Variants in NRXN3 observed in about 807,000 individuals in gnomAD.
NRXN3 encodes neurexin 3.
Under a neutral mutation model 137.6 loss-of-function variants are expected in NRXN3, and 32 were observed. That is an observed-to-expected ratio of 0.23 (90% CI 0.18 to 0.31). NRXN3 has a LOEUF of 0.31. Among genes scored for constraint, NRXN3 ranks in the 10% least tolerant of loss-of-function variants. The pLI is 1.00. For synonymous variants in NRXN3, 798 were observed against 784.5 expected, an observed-to-expected ratio of 1.02 and a Z score of -0.29; for missense variants, 1,574 against 2,062.5, an observed-to-expected ratio of 0.76 and a Z score of 4.59.
At chr14:79,264,107 A>G (rs1020165880) in intron 15 of NRXN3, among the ~76,000 whole-genome samples, 4 of 152,054 alleles carry the variant, frequency 2.6e-5, no homozygotes, top group African/African-American at 4.8e-5. Flanking sequence ...TATTTTTTTG[A>G]GACAGGGTCT....
At chr14:78,924,366 T>C (rs1288921249) in intron 10 of NRXN3, among the ~76,000 whole-genome samples, 2 of 152,216 alleles carry the variant, frequency 1.3e-5, no homozygotes, top group African/African-American at 4.8e-5. Flanking sequence ...CAAACAACCA[T>C]GTAAAATAGA....
At chr14:79,371,225 CCCTTTAGT>C (rs1555405251) in intron 15 of NRXN3, among the ~76,000 whole-genome samples, 2 of 152,062 alleles carry the variant, frequency 1.3e-5, no homozygotes, top group Non-Finnish European at 2.9e-5. Context: ...TTTTTTTCTA[CCCTTTAGT>C]CATGTGTTTG....
chr14:78,820,682 C>T (rs1169015384), intron 10 of NRXN3, among the ~76,000 whole-genome samples: 1 of 152,002 alleles, frequency 6.6e-6, no homozygotes, highest in East Asian at 1.9e-4. Flanking sequence ...CTCAAGGGAC[C>T]CTGTGGAAAA....
intron 10 of NRXN3, among the ~76,000 whole-genome samples, chr14:78,925,336 A>G (rs746458404): frequency 6.6e-6 from 1 of 152,208 alleles, no homozygotes; most frequent in African/African-American, 2.4e-5. Flanking sequence ...AACATTTATT[A>G]CATTCTTCTT....
intron 4 of NRXN3, among the ~76,000 whole-genome samples, chr14:78,349,478 C>G (rs1477932218): frequency 2.0e-5 from 3 of 152,160 alleles, no homozygotes; most frequent in Non-Finnish European, 2.9e-5. Context: ...TTCCGAGTCC[C>G]CATTTATCTT....
intron 16 of NRXN3, among the ~76,000 whole-genome samples, chr14:79,509,919 AAAG>A (rs1405427387): frequency 6.6e-6 from 1 of 152,198 alleles, no homozygotes; most frequent in Non-Finnish European, 1.5e-5. Flanking sequence ...AAAAGAAATA[AAAG>A]AAGATCATAG....
At chr14:79,464,371 C>T (rs1020797578) in intron 15 of NRXN3, among the ~76,000 whole-genome samples, 1 of 152,022 alleles carries the variant, frequency 6.6e-6, no homozygotes, top group African/African-American at 2.4e-5. Flanking sequence ...AATTTTTAGT[C>T]TATCCTATCA....
At chr14:78,535,908 T>C (rs1027726155) in intron 4 of NRXN3, among the ~76,000 whole-genome samples, 2 of 152,180 alleles carry the variant, frequency 1.3e-5, no homozygotes, top group Non-Finnish European at 1.5e-5. Flanking sequence ...GCCATTGATG[T>C]TGGGTAGAGC....
intron 2 of NRXN3, chr14:78,250,209 C>A: frequency 2.5e-6 from 1 of 399,192 alleles, no homozygotes; most frequent in South Asian, 1.9e-5. Flanking sequence ...ACACTGTCAA[C>A]CACCATGCTA....
chr14:78,684,501 T>A (rs1481937953), intron 6 of NRXN3, among the ~76,000 whole-genome samples: 1 of 152,140 alleles, frequency 6.6e-6, no homozygotes, highest in Non-Finnish European at 1.5e-5. Flanking sequence ...AAAAGGGTTA[T>A]GTGGTAAATA....
At chr14:79,405,029 A>G (rs1437500829) in intron 15 of NRXN3, among the ~76,000 whole-genome samples, 1 of 152,148 alleles carries the variant, frequency 6.6e-6, no homozygotes, top group East Asian at 1.9e-4. Flanking sequence ...CAATTTCCCC[A>G]GGAGACTGTA....
intron 10 of NRXN3, among the ~76,000 whole-genome samples, chr14:78,908,494 TCTG>T: frequency 6.6e-6 from 1 of 152,094 alleles, no homozygotes; most frequent in Non-Finnish European, 1.5e-5. Flanking sequence ...TACTGTCAAA[TCTG>T]TTCTCATAGC....
chr14:79,710,703 TTTGAGTTATTTGA>T (rs1211904234), intron 19 of NRXN3, among the ~76,000 whole-genome samples: 1 of 152,008 alleles, frequency 6.6e-6, no homozygotes, highest in African/African-American at 2.4e-5. Flanking sequence ...TTAAAAAATA[TTTGAGTTATTTGA>T]GTGCCTAGTA....
chr14:78,172,021 C>T (rs142115147), intron 1 of NRXN3, among the ~76,000 whole-genome samples: 8 of 152,228 alleles, frequency 5.3e-5, no homozygotes, highest in Non-Finnish European at 7.4e-5. Flanking sequence ...CTTCGGTTCC[C>T]GCTTTGGGGA....
chr14:79,035,023 C>A (rs1211105718), intron 15 of NRXN3, among the ~76,000 whole-genome samples: 1 of 152,100 alleles, frequency 6.6e-6, no homozygotes, highest in East Asian at 1.9e-4. Flanking sequence ...TTACCTCAGA[C>A]TTAAATAGCA....
chr14:79,152,893 A>G (rs930897324), intron 15 of NRXN3, among the ~76,000 whole-genome samples: 1 of 152,026 alleles, frequency 6.6e-6, no homozygotes, highest in Admixed American at 6.6e-5. Flanking sequence ...TGTCAATCTC[A>G]TGAGTTGAGG....
At chr14:78,539,207 ACCTCT>A (rs2096565085) in intron 4 of NRXN3, among the ~76,000 whole-genome samples, 1 of 151,982 alleles carries the variant, frequency 6.6e-6, no homozygotes, top group Non-Finnish European at 1.5e-5. Context: ...TCCTCTTTGT[ACCTCT>A]GGTAGAATTT....
chr14:79,335,701 A>G (rs1479129070), intron 15 of NRXN3, among the ~76,000 whole-genome samples: 1 of 152,132 alleles, frequency 6.6e-6, no homozygotes. Context: ...CATATATTGC[A>G]CATATATACA....
At chr14:79,474,976 T>C (rs763069060) in intron 16 of NRXN3, among the ~76,000 whole-genome samples, 51 of 152,084 alleles carry the variant, frequency 3.4e-4, no homozygotes, top group Non-Finnish European at 7.4e-5. Context: ...AAAATGGTTT[T>C]AGACTCTCCT....
Sources: allele counts gnomAD v4.1 joint callset (sites outside exome capture counted in the v4.1 genomes callset), GRCh38; gene constraint gnomAD v4.1.1; transcripts MANE v1.5; gene names NCBI Gene and HGNC (gene_info 2026-07-23, HGNC 2026-07-21).